TBL1Y: variants seen among roughly 807,000 people sequenced by gnomAD.
TBL1Y encodes the protein transducin beta like 1 Y-linked.
In TBL1Y, 15 loss-of-function variants were observed where a neutral mutation model predicts 12.0. The observed-to-expected ratio is 1.25, with a 90% CI of 0.83 to 1.92. TBL1Y has a LOEUF of 1.92. Ranked by LOEUF, TBL1Y falls within the 40% of genes most tolerant of loss-of-function variation. The pLI is 0.00. For synonymous variants in TBL1Y, 53 were observed against 42.6 expected (o/e 1.24, Z -0.95); for missense variants, 148 against 116.7 (o/e 1.27, Z -1.24).
At chrY:7,024,835 A>G (rs1603040035) in intron 5 of TBL1Y, among the ~76,000 whole-genome samples, 200 bp from the exon 6 acceptor site, 1 of 31,436 alleles carries the variant, frequency 3.2e-5, no homozygotes, top group Non-Finnish European at 7.7e-5. Flanking sequence ...TTTGGAAAAC[A>G]TTTCACCTGG....
intron 4 of TBL1Y, 106 bp from the exon 5 acceptor site, chrY:7,021,343 T>G: frequency 3.0e-5 from 1 of 32,842 alleles, no homozygotes; most frequent in African/African-American, 1.2e-4. Context: ...TGTGTTAAGT[T>G]TGAGTTAGGA....
chrY:6,914,021 G>A (rs2011715987), intron 2 of TBL1Y, among the ~76,000 whole-genome samples: 1 of 32,991 alleles, frequency 3.0e-5, no homozygotes, highest in African/African-American at 1.2e-4. Context: ...GTGGTCATGC[G>A]CGGTCATATT....
chrY:7,032,387 G>A, intron 6 of TBL1Y, among the ~76,000 whole-genome samples: 1 of 32,232 alleles, frequency 3.1e-5, no homozygotes, highest in Non-Finnish European at 7.6e-5. Context: ...GTGTAGATGC[G>A]TTAAGTTTAG....
At chrY:7,050,828 TACACAC>T (rs1404234228) in intron 7 of TBL1Y, among the ~76,000 whole-genome samples, 5 of 18,056 alleles carry the variant, frequency 2.8e-4, no homozygotes, top group Non-Finnish European at 5.6e-4. Context: ...ACATCATGGA[TACACAC>T]ACACACACAC....
At chrY:7,029,829 G>A (rs2124155509) in intron 6 of TBL1Y, among the ~76,000 whole-genome samples, 1 of 33,619 alleles carries the variant, frequency 3.0e-5, no homozygotes, top group Admixed American at 2.7e-4. Context: ...AGAGTGTGAC[G>A]TCTTTTATTC....
intron 4 of TBL1Y, among the ~76,000 whole-genome samples, chrY:7,001,618 CA>C (rs1169027075): frequency 4.0e-5 from 1 of 25,203 alleles, no homozygotes; most frequent in Admixed American, 3.6e-4. Flanking sequence ...GACTCCGTCT[CA>C]AAAAAAAAAC....
intron 2 of TBL1Y, among the ~76,000 whole-genome samples, chrY:6,928,368 G>A: frequency 1.2e-4 from 4 of 33,836 alleles, no homozygotes; most frequent in African/African-American, 4.6e-4. Flanking sequence ...TCCTTGGGGT[G>A]TTGCTTTGCC....
chrY:7,019,337 T>G, intron 4 of TBL1Y, among the ~76,000 whole-genome samples: 1 of 33,932 alleles, frequency 2.9e-5, no homozygotes, highest in Non-Finnish European at 7.3e-5. Context: ...ATTTTTGACA[T>G]GTTGCATAAC....
chrY:6,962,038 C>G (rs1008866571), intron 2 of TBL1Y, among the ~76,000 whole-genome samples: 2 of 34,045 alleles, frequency 5.9e-5, no homozygotes, highest in African/African-American at 1.1e-4. Flanking sequence ...TAGGTATCAA[C>G]TGTCTCATGG....
chrY:7,060,142 C>A, intron 7 of TBL1Y, among the ~76,000 whole-genome samples: 1 of 33,451 alleles, frequency 3.0e-5, no homozygotes. Context: ...ACTGTTAAAA[C>A]AAAATATATA....
chrY:7,028,029 G>T, intron 6 of TBL1Y, among the ~76,000 whole-genome samples: 1 of 33,369 alleles, frequency 3.0e-5, no homozygotes, highest in African/African-American at 1.2e-4. Flanking sequence ...GTATGGGGGT[G>T]GGGGTGGTGA....
intron 4 of TBL1Y, among the ~76,000 whole-genome samples, chrY:7,000,689 G>A (rs1020911445): frequency 9.7e-4 from 33 of 33,891 alleles, no homozygotes; most frequent in Non-Finnish European, 2.0e-3. Context: ...GGCCTCTGCC[G>A]TCCAGGTTCA....
At chrY:6,911,633 G>A in intron 1 of TBL1Y, among the ~76,000 whole-genome samples, 1 of 34,905 alleles carries the variant, frequency 2.9e-5, no homozygotes, top group Non-Finnish European at 7.2e-5. Context: ...CCCCCGGTCT[G>A]TTTGGGGTCT....
intron 6 of TBL1Y, among the ~76,000 whole-genome samples, chrY:7,030,754 TTAGATAGAA>T (rs2012650518): frequency 6.0e-5 from 2 of 33,094 alleles, no homozygotes; most frequent in African/African-American, 2.4e-4. Context: ...ATTAGACAGA[TTAGATAGAA>T]TAGATAGAAT....
At chrY:7,021,606 A>AATATTTT (rs2012582605) in intron 5 of TBL1Y, 69 bp downstream of exon 5, 1 of 33,564 alleles carries the variant, frequency 3.0e-5, no homozygotes. Flanking sequence ...GCAAAACTGC[A>AATATTTT]TTTTGCCAAA....
At chrY:6,950,050 G>A (rs1231596645) in intron 2 of TBL1Y, among the ~76,000 whole-genome samples, 16 of 33,625 alleles carry the variant, frequency 4.8e-4, no homozygotes, top group African/African-American at 1.7e-3. Context: ...AACTTTATCA[G>A]ACTTAAAATG....
chrY:6,919,948 C>T, intron 2 of TBL1Y: 1 of 33,629 alleles, frequency 3.0e-5, no homozygotes, highest in Non-Finnish European at 7.3e-5. Context: ...TCTAACATGG[C>T]CCAAAGTAAT....
intron 2 of TBL1Y, among the ~76,000 whole-genome samples, chrY:6,917,853 T>C (rs905570261): frequency 3.6e-4 from 12 of 33,000 alleles, no homozygotes; most frequent in African/African-American, 1.1e-3. Context: ...CTTGATACTT[T>C]GGAGTTGCTT....
At chrY:6,959,182 G>A (rs758340200) in intron 2 of TBL1Y, among the ~76,000 whole-genome samples, 1 of 33,451 alleles carries the variant, frequency 3.0e-5, no homozygotes, top group East Asian at 7.9e-4. Flanking sequence ...TAAACATTTT[G>A]TTAACAAGGC....
Sources: gnomAD v4.1 joint callset for allele counts (sites outside exome capture counted in the v4.1 genomes callset) on GRCh38, gnomAD v4.1.1 for gene constraint, MANE v1.5 for transcripts, NCBI Gene and HGNC (gene_info 2026-07-23, HGNC 2026-07-21) for gene names.